MCC: variants seen among roughly 807,000 people sequenced by gnomAD.
MCC encodes the protein colorectal mutant cancer protein.
Under a neutral mutation model 116.2 loss-of-function variants are expected in MCC, and 90 were observed. That is an observed-to-expected ratio of 0.77 (90% CI 0.65 to 0.92). MCC has a LOEUF of 0.92. Among genes scored for constraint, MCC ranks in the 40% least tolerant of loss-of-function variants. The pLI, the probability that MCC is intolerant of heterozygous loss-of-function variation, is 0.00. For synonymous variants in MCC, 578 were observed against 510.5 expected, an observed-to-expected ratio of 1.13 and a Z score of -1.78; for missense variants, 1,516 against 1,312.2, an observed-to-expected ratio of 1.16 and a Z score of -2.40.
intron 3 of MCC, chr5:113,294,232 G>C: frequency 4.0e-6 from 6 of 1,482,452 alleles, no homozygotes; most frequent in Non-Finnish European, 5.6e-6. Flanking sequence ...AGCACAGGGG[G>C]ATAGGGTGTA....
chr5:113,029,213 C>G lies in MCC; in HGVS notation c.2757-157G>C, dbSNP rs528417393. On this transcript the variant is annotated intron_variant, in intron 17 of 18. Transcript: ENST00000408903. ...CTAAAGGGCCCAACAGCGCTACTGT[C>G]ACCTGAATGAATTCATTCTCAAATG... Among the ~76,000 whole-genome samples, 5 of 152,122 alleles carry G rather than the reference C, an allele frequency of 3.3e-5. No individual in the cohort carries two copies. The South Asian group carries it at 1.0e-3, about 32-fold the overall frequency.
chr5:113,080,621 C>A (rs556332770), intron 11 of MCC, among the ~76,000 whole-genome samples: 2 of 152,028 alleles, frequency 1.3e-5, no homozygotes, highest in South Asian at 4.2e-4. Context: ...CCTGGACACA[C>A]GGTGTGGAAC....
chr5:113,109,387 C>A (rs1285242304), intron 6 of MCC, among the ~76,000 whole-genome samples: 1 of 152,070 alleles, frequency 6.6e-6, no homozygotes, highest in African/African-American at 2.4e-5. Context: ...AAACATTATA[C>A]TAATTAGAAT....
intron 13 of MCC, among the ~76,000 whole-genome samples, chr5:113,067,432 G>C (rs1383809286): frequency 3.9e-5 from 6 of 152,214 alleles, no homozygotes; most frequent in Admixed American, 3.9e-4. Flanking sequence ...CTGAGGTCAG[G>C]AGTTCAAGAC....
At position 113,137,210 on chromosome 5, in the gene MCC, G is replaced by A. The variant is rs373937791; in HGVS notation, c.884+6008C>T. On this transcript the variant is annotated intron_variant, in intron 5 of 18. Transcript: ENST00000408903. ...GGATAGAGTGTAAGCATGTGCAGGA[G>A]GAACTGTCAACCACATAGAAAACCA... 3.3e-5 allele frequency among the ~76,000 whole-genome samples: 5 copies of A among 152,196 alleles called. No individual in the cohort carries two copies. In the East Asian group the frequency reaches 5.8e-4, roughly 18 times the overall value.
At chr5:113,073,813 C>G (rs1754218600) in intron 11 of MCC, among the ~76,000 whole-genome samples, 1 of 152,196 alleles carries the variant, frequency 6.6e-6, no homozygotes, top group Non-Finnish European at 1.5e-5. Context: ...AACTGCAAGG[C>G]CACAGCGAGG....
intron 3 of MCC, among the ~76,000 whole-genome samples, chr5:113,169,988 T>C (rs1760989792): frequency 6.6e-6 from 1 of 152,174 alleles, no homozygotes; most frequent in African/African-American, 2.4e-5. Flanking sequence ...TACTTCCTTC[T>C]GGGGATGGCA....
chr5:113,399,346 G>T (rs950516596), intron 1 of MCC, among the ~76,000 whole-genome samples: 1 of 152,052 alleles, frequency 6.6e-6, no homozygotes, highest in African/African-American at 2.4e-5. Flanking sequence ...TTAGCCGGGC[G>T]TGGTGGCAGG....
intron 3 of MCC, among the ~76,000 whole-genome samples, chr5:113,249,897 A>C (rs1764728404): frequency 6.6e-6 from 1 of 152,082 alleles, no homozygotes; most frequent in South Asian, 2.1e-4. Context: ...ATTCTCTGTG[A>C]CTCTAAGATT....
chr5:113,400,701 G>C (rs1215062676), intron 1 of MCC, among the ~76,000 whole-genome samples: 1 of 152,070 alleles, frequency 6.6e-6, no homozygotes, highest in Non-Finnish European at 1.5e-5. Context: ...ATTTTACAGG[G>C]TCTATCAGTG....
At chr5:113,474,644 G>A (rs1358844174) in intron 1 of MCC, among the ~76,000 whole-genome samples, 1 of 152,188 alleles carries the variant, frequency 6.6e-6, no homozygotes, top group African/African-American at 2.4e-5. Flanking sequence ...CAGTGTCAGT[G>A]CCGAGAGTCC....
intron 1 of MCC, among the ~76,000 whole-genome samples, chr5:113,483,735 A>G (rs1010353965): frequency 8.5e-5 from 13 of 152,220 alleles, no homozygotes; most frequent in African/African-American, 7.2e-5. Context: ...ATAAAGACAC[A>G]TGCACCTGTA....
intron 4 of MCC, among the ~76,000 whole-genome samples, chr5:113,149,068 C>A (rs1294069212): frequency 6.6e-6 from 1 of 152,168 alleles, no homozygotes; most frequent in Non-Finnish European, 1.5e-5. Flanking sequence ...AAATCCAAGA[C>A]TACTGTACAT....
intron 3 of MCC, among the ~76,000 whole-genome samples, chr5:113,288,714 G>A (rs962054965): frequency 6.6e-6 from 1 of 152,238 alleles, no homozygotes; most frequent in African/African-American, 2.4e-5. Context: ...GCTGAGGGCA[G>A]TAACAGAAGC....
intron 3 of MCC, among the ~76,000 whole-genome samples, chr5:113,260,469 A>G (rs1765181256): frequency 6.6e-6 from 1 of 152,162 alleles, no homozygotes; most frequent in Non-Finnish European, 1.5e-5. Flanking sequence ...ATCTGGCCTC[A>G]TACAGATAAA....
chr5:113,391,462 C>G (rs1561548874), intron 1 of MCC, among the ~76,000 whole-genome samples: 1 of 152,072 alleles, frequency 6.6e-6, no homozygotes, highest in Non-Finnish European at 1.5e-5. Context: ...TGCCTGTAAT[C>G]CCAGCACTTT....
chr5:113,415,007 A>C (rs2150404491), intron 1 of MCC, among the ~76,000 whole-genome samples: 1 of 152,252 alleles, frequency 6.6e-6, no homozygotes, highest in Admixed American at 6.5e-5. Flanking sequence ...AAAGGATTTT[A>C]TTTCTCCTTC....
At chr5:113,429,316 A>C (rs2150410137) in intron 1 of MCC, among the ~76,000 whole-genome samples, 1 of 152,214 alleles carries the variant, frequency 6.6e-6, no homozygotes, top group Admixed American at 6.5e-5. Flanking sequence ...GTGCCATGTG[A>C]GGGCACAGGG....
At chr5:113,471,141 C>CAG (rs148616798) in intron 1 of MCC, among the ~76,000 whole-genome samples, 137,359 of 152,078 alleles carry the variant, frequency 0.9, 62,280 homozygotes, top group East Asian at 0.97. Flanking sequence ...TCCTGTAACT[C>CAG]AGTCATTTGA....
Sources: allele counts gnomAD v4.1 joint callset (sites outside exome capture counted in the v4.1 genomes callset), GRCh38; gene constraint gnomAD v4.1.1; transcripts MANE v1.5; gene names NCBI Gene and HGNC (gene_info 2026-07-23, HGNC 2026-07-21).